STK39: variants seen among roughly 807,000 people sequenced by gnomAD.
STK39 encodes STE20/SPS1-related proline-alanine-rich protein kinase.
STK39 carries 20 observed loss-of-function variants against 77.8 expected under a neutral mutation model. The observed-to-expected ratio is 0.26, with a 90% CI of 0.18 to 0.37. The LOEUF is 0.37. Ranked by LOEUF, STK39 falls within the 10% of genes least tolerant of loss-of-function variation. The pLI, the probability that STK39 is intolerant of heterozygous loss-of-function variation, is 1.00. For synonymous variants in STK39, 246 were observed against 234.1 expected (o/e 1.05, Z -0.47); for missense variants, 479 against 656.5 (o/e 0.73, Z 2.95).
chr2:167,975,353 A>G (rs1257396525), intron 16 of STK39, among the ~76,000 whole-genome samples: 1 of 152,110 alleles, frequency 6.6e-6, no homozygotes, highest in Non-Finnish European at 1.5e-5. Context: ...AGCAGAGGAA[A>G]TCTACAATAG....
chr2:168,211,629 A>G (rs1164429278), intron 1 of STK39, among the ~76,000 whole-genome samples: 2 of 152,146 alleles, frequency 1.3e-5, no homozygotes, highest in African/African-American at 4.8e-5. Flanking sequence ...TTATATTTTA[A>G]TTTTACTTAG....
At chr2:167,978,111 T>C (rs952314840) in intron 16 of STK39, among the ~76,000 whole-genome samples, 2 of 152,146 alleles carry the variant, frequency 1.3e-5, no homozygotes, top group African/African-American at 4.8e-5. Context: ...CTGCAAAATA[T>C]CTCAAGCACC....
At chr2:167,957,122 TATA>T (rs376010308) in intron 17 of STK39, among the ~76,000 whole-genome samples, 2 of 152,208 alleles carry the variant, frequency 1.3e-5, no homozygotes, top group African/African-American at 4.8e-5. Flanking sequence ...ATCAGCTAAC[TATA>T]ATGTTTGTAC....
At chr2:168,021,354 C>A (rs1281305923) in intron 14 of STK39, among the ~76,000 whole-genome samples, 1 of 152,110 alleles carries the variant, frequency 6.6e-6, no homozygotes, top group Non-Finnish European at 1.5e-5. Flanking sequence ...AAAATACTCG[C>A]CTTTGAAAAG....
chr2:168,138,298 G>C, intron 7 of STK39, 77 bp from the exon 8 acceptor site: 1 of 1,521,136 alleles, frequency 6.6e-7, no homozygotes, highest in Non-Finnish European at 8.8e-7. Context: ...TTTCATAAAA[G>C]TGTAAAAAAC....
At chr2:168,194,739 T>C (rs1162921940) in intron 1 of STK39, among the ~76,000 whole-genome samples, 1 of 152,254 alleles carries the variant, frequency 6.6e-6, no homozygotes, top group African/African-American at 2.4e-5. Flanking sequence ...AGCCAGCTGA[T>C]TGCATCTGCT....
chr2:168,033,038 GTC>G (rs1420493801), intron 14 of STK39, among the ~76,000 whole-genome samples: 1 of 152,194 alleles, frequency 6.6e-6, no homozygotes, highest in African/African-American at 2.4e-5. Flanking sequence ...ATGTTGGGTA[GTC>G]TCTCTCCCCT....
chr2:168,021,624 T>C (rs960424117), intron 14 of STK39, among the ~76,000 whole-genome samples: 6 of 152,122 alleles, frequency 3.9e-5, no homozygotes, highest in African/African-American at 1.4e-4. Context: ...GAGGAAATGA[T>C]AAAAACTTGA....
intron 14 of STK39, among the ~76,000 whole-genome samples, chr2:168,045,578 C>T (rs1685218664): frequency 6.6e-6 from 1 of 152,022 alleles, no homozygotes; most frequent in South Asian, 2.1e-4. Context: ...TAGAATATTC[C>T]CATGGTAACT....
intron 14 of STK39, among the ~76,000 whole-genome samples, chr2:168,019,894 AG>A (rs1417633324): frequency 3.3e-5 from 5 of 152,088 alleles, no homozygotes; most frequent in Admixed American, 6.5e-5. Context: ...TAGTAGAGAC[AG>A]GGTTTCACCA....
At chr2:168,081,298 T>A (rs749823306) in intron 10 of STK39, among the ~76,000 whole-genome samples, 3 of 152,130 alleles carry the variant, frequency 2.0e-5, no homozygotes, top group Non-Finnish European at 4.4e-5. Context: ...TGGGAACCCA[T>A]CTCTTGCATC....
intron 16 of STK39, among the ~76,000 whole-genome samples, chr2:167,989,753 T>C (rs910008636): frequency 6.6e-5 from 10 of 152,204 alleles, no homozygotes; most frequent in Non-Finnish European, 1.3e-4. Flanking sequence ...GTGTTATTTA[T>C]GTTATACACA....
chr2:167,990,182 G>GA (rs1380723997), intron 16 of STK39, among the ~76,000 whole-genome samples: 1 of 152,128 alleles, frequency 6.6e-6, no homozygotes, highest in Non-Finnish European at 1.5e-5. Context: ...CTGCCTGGGA[G>GA]AAAAAAGAAG....
chr2:167,991,443 G>A (rs547611080), intron 16 of STK39, among the ~76,000 whole-genome samples: 11 of 152,110 alleles, frequency 7.2e-5, no homozygotes, highest in Non-Finnish European at 1.3e-4. Flanking sequence ...ATCTGATGGG[G>A]GTGGAAGAGG....
chr2:168,167,841 A>T (rs1159193417), intron 2 of STK39, among the ~76,000 whole-genome samples: 2 of 152,170 alleles, frequency 1.3e-5, no homozygotes, highest in African/African-American at 4.8e-5. Flanking sequence ...CCCTCATCCA[A>T]AAAACGACAA....
intron 1 of STK39, among the ~76,000 whole-genome samples, chr2:168,188,054 A>T (rs1371044862): frequency 6.6e-6 from 1 of 152,228 alleles, no homozygotes; most frequent in Admixed American, 6.5e-5. Context: ...TTGCCAGTGA[A>T]CAGAGTCAAG....
chr2:168,211,453 A>T (rs1358211904), intron 1 of STK39, among the ~76,000 whole-genome samples: 1 of 152,228 alleles, frequency 6.6e-6, no homozygotes. Context: ...AGAGTTTACC[A>T]GAGTTCACCA....
rs147287398 is a variant in STK39, at chr2:168,003,297, C to A, written c.1498+9337G>T. Among the ~76,000 whole-genome samples the A allele has an allele frequency of 5.7e-3, 875 of 152,254 alleles. 4 individuals carry two copies. The highest frequency in any genetic ancestry group is 0.02 in the African/African-American group (835 of 41,556). ...GGCCCAACTGCTGAATATCTTAATT[C>A]ATCTAGAAATGGTAGTCATTCATCT... On this transcript the variant is annotated intron_variant, in intron 16 of 17. Transcript: ENST00000355999.
intron 16 of STK39, among the ~76,000 whole-genome samples, chr2:167,965,905 T>C (rs77391674): frequency 0.039 from 5,872 of 152,298 alleles, 278 homozygotes; most frequent in East Asian, 0.21. Context: ...CCTAGATACA[T>C]GGATTTTCTG....
Sources: allele counts gnomAD v4.1 joint callset (sites outside exome capture counted in the v4.1 genomes callset), GRCh38; gene constraint gnomAD v4.1.1; transcripts MANE v1.5; gene names NCBI Gene and HGNC (gene_info 2026-07-23, HGNC 2026-07-21).